CNTN4: variants seen among roughly 807,000 people sequenced by gnomAD.
CNTN4 encodes the protein contactin 4.
In CNTN4, 77 loss-of-function variants were observed where a neutral mutation model predicts 122.5. The observed-to-expected ratio is 0.63, with a 90% CI of 0.52 to 0.76. CNTN4 has a LOEUF of 0.76. CNTN4 is among the 30% of genes least tolerant of loss of function. The pLI, the probability that CNTN4 is intolerant of heterozygous loss-of-function variation, is 0.00. For synonymous variants in CNTN4, 512 were observed against 447.0 expected (o/e 1.15, Z -1.83); for missense variants, 1,256 against 1,259.1 (o/e 1.00, Z 0.04).
At chr3:2,704,476 A>G (rs2086538844) in intron 4 of CNTN4, among the ~76,000 whole-genome samples, 1 of 152,130 alleles carries the variant, frequency 6.6e-6, no homozygotes. Flanking sequence ...TTCCAATGGC[A>G]GAAGAAAGAA....
intron 2 of CNTN4, among the ~76,000 whole-genome samples, chr3:2,109,219 A>C (rs17007744): frequency 6.6e-6 from 1 of 151,912 alleles, no homozygotes; most frequent in African/African-American, 2.4e-5. Flanking sequence ...ATTGGTGCAT[A>C]ACCCCTAAGT....
intron 3 of CNTN4, among the ~76,000 whole-genome samples, chr3:2,436,541 C>G (rs2048263610): frequency 6.6e-6 from 1 of 151,898 alleles, no homozygotes; most frequent in Non-Finnish European, 1.5e-5. Flanking sequence ...TTGAATCTTT[C>G]TGGAATCACT....
At chr3:2,535,341 T>C (rs765506393) in intron 3 of CNTN4, among the ~76,000 whole-genome samples, 2 of 152,198 alleles carry the variant, frequency 1.3e-5, no homozygotes, top group Non-Finnish European at 2.9e-5. Flanking sequence ...TCCAAATATG[T>C]ATCTCTTACT....
chr3:2,577,031 G>T (rs767874797), intron 4 of CNTN4, among the ~76,000 whole-genome samples: 4 of 152,192 alleles, frequency 2.6e-5, no homozygotes, highest in Non-Finnish European at 5.9e-5. Flanking sequence ...TCTGTCTCCT[G>T]TCCTTTGGGA....
At chr3:2,641,612 A>G (rs966695702) in intron 4 of CNTN4, among the ~76,000 whole-genome samples, 8 of 152,326 alleles carry the variant, frequency 5.3e-5, no homozygotes, top group African/African-American at 1.2e-4. Flanking sequence ...TTTGTGCACC[A>G]TCTTCACAAT....
chr3:2,257,425 C>G (rs964209285), intron 2 of CNTN4, among the ~76,000 whole-genome samples: 1 of 152,130 alleles, frequency 6.6e-6, no homozygotes, highest in Non-Finnish European at 1.5e-5. Context: ...CAACAAAAGC[C>G]AAGACTGACA....
At chr3:2,226,962 A>G (rs899289488) in intron 2 of CNTN4, among the ~76,000 whole-genome samples, 12 of 152,148 alleles carry the variant, frequency 7.9e-5, no homozygotes, top group African/African-American at 2.7e-4. Context: ...TGAGGCACAG[A>G]GTGTTGTGTA....
At chr3:2,104,255 T>TGTGC (rs559853405) in intron 2 of CNTN4, among the ~76,000 whole-genome samples, 24 of 95,230 alleles carry the variant, frequency 2.5e-4, no homozygotes, top group South Asian at 1.6e-3. Context: ...TGTGTGTGTG[T>TGTGC]GCGTTTCAAG....
At position 2,887,222 on chromosome 3, in the gene CNTN4, A is replaced by T; in HGVS notation, c.938A>T (p.Tyr313Phe). ...GTAGCAAGGGGACAGCTAACTTTCT[A>T]TGGTAAGTGTATGATTTCAGTTTAT... is the stretch of plus-strand genomic sequence containing the variant. ...KNVARGQLTFYAQPNWIQKIN... is the reference protein window; with the variant it reads ...KNVARGQLTFFAQPNWIQKIN... The change falls in exon 10 of 25, where the codon TAT becomes TTT. Residue 313 changes from tyrosine (Y) to phenylalanine (F), a missense_variant and splice_region_variant. Transcript: ENST00000418658. 6.2e-7 allele frequency: 1 copy of T among 1,612,282 alleles called. No individual in the cohort carries two copies. The highest frequency in any genetic ancestry group is 1.1e-5 in the South Asian group (1 of 91,070).
intron 3 of CNTN4, among the ~76,000 whole-genome samples, chr3:2,400,378 A>ATG (rs1291056489): frequency 2.9e-5 from 4 of 138,700 alleles, no homozygotes; most frequent in African/African-American, 1.0e-4. Flanking sequence ...GTGTGTGTAT[A>ATG]TGTGTGTGGT....
chr3:2,188,409 T>C (rs535313403), intron 2 of CNTN4, among the ~76,000 whole-genome samples: 2 of 152,242 alleles, frequency 1.3e-5, no homozygotes, highest in East Asian at 1.9e-4. Flanking sequence ...TCAGGAAAGA[T>C]AGAGACTAGG....
chr3:2,214,725 C>A (rs1039044701), intron 2 of CNTN4, among the ~76,000 whole-genome samples: 3 of 152,002 alleles, frequency 2.0e-5, no homozygotes, highest in Non-Finnish European at 4.4e-5. Context: ...CCATCAAACC[C>A]TTAGGTAGGA....
chr3:2,197,817 A>G (rs926531771), intron 2 of CNTN4, among the ~76,000 whole-genome samples: 3 of 152,116 alleles, frequency 2.0e-5, no homozygotes, highest in African/African-American at 7.2e-5. Flanking sequence ...GGAGTTCAAG[A>G]CCAATCTGGC....
chr3:2,217,961 C>T (rs1203488040), intron 2 of CNTN4, among the ~76,000 whole-genome samples: 2 of 152,064 alleles, frequency 1.3e-5, no homozygotes, highest in South Asian at 2.1e-4. Flanking sequence ...CAGAGGGAGT[C>T]AAGTAACAGA....
At chr3:2,164,485 A>G (rs1410199131) in intron 2 of CNTN4, among the ~76,000 whole-genome samples, 1 of 152,200 alleles carries the variant, frequency 6.6e-6, no homozygotes, top group African/African-American at 2.4e-5. Flanking sequence ...ATTTCCTCTA[A>G]GCCAAACCTA....
At chr3:2,844,306 T>C (rs116106958) in intron 7 of CNTN4, among the ~76,000 whole-genome samples, 1,758 of 152,368 alleles carry the variant, frequency 0.012, 14 homozygotes, top group Admixed American at 0.016. Context: ...TTATATTTAT[T>C]GCAGATTTGC....
chr3:2,229,113 T>C (rs1278656791), intron 2 of CNTN4, among the ~76,000 whole-genome samples: 1 of 152,122 alleles, frequency 6.6e-6, no homozygotes, highest in Non-Finnish European at 1.5e-5. Flanking sequence ...TCATTTATTG[T>C]AGAAAAAATA....
chr3:2,377,637 G>A (rs7622424), intron 3 of CNTN4, among the ~76,000 whole-genome samples: 59,550 of 152,096 alleles, frequency 0.39, 12,314 homozygotes, highest in East Asian at 0.79. Flanking sequence ...GAAGATACCC[G>A]GAATATTTAT....
intron 4 of CNTN4, among the ~76,000 whole-genome samples, chr3:2,634,742 C>T (rs1259559964): frequency 6.6e-6 from 1 of 151,168 alleles, no homozygotes; most frequent in Non-Finnish European, 1.5e-5. Flanking sequence ...TGTAGTCCCA[C>T]CTACTCCGGA....
Sources: allele counts gnomAD v4.1 joint callset (sites outside exome capture counted in the v4.1 genomes callset), GRCh38; gene constraint gnomAD v4.1.1; transcripts MANE v1.5; gene names NCBI Gene and HGNC (gene_info 2026-07-23, HGNC 2026-07-21).